Variants in NEDD9 observed in about 807,000 individuals in gnomAD.
NEDD9 encodes the protein neural precursor cell expressed, developmentally down-regulated 9, also known as enhancer of filamentation 1.
Under a neutral mutation model 76.6 loss-of-function variants are expected in NEDD9, and 26 were observed. That is an observed-to-expected ratio of 0.34 (90% CI 0.25 to 0.47). NEDD9 has a LOEUF of 0.47. Ranked by LOEUF, NEDD9 falls within the 20% of genes least tolerant of loss-of-function variation. The pLI, the probability that NEDD9 is intolerant of heterozygous loss-of-function variation, is 1.00. For missense variants in NEDD9, 937 were observed against 1,058.5 expected, an observed-to-expected ratio of 0.89 and a Z score of 1.59; for synonymous variants, 392 against 414.2, an observed-to-expected ratio of 0.95 and a Z score of 0.65.
At chr6:11,205,785 G>T (rs562184703) in intron 2 of NEDD9, among the ~76,000 whole-genome samples, 1 of 152,222 alleles carries the variant, frequency 6.6e-6, no homozygotes, top group South Asian at 2.1e-4. Flanking sequence ...GCACCACCAT[G>T]CCTGGCTAAT....
intron 1 of NEDD9, among the ~76,000 whole-genome samples, chr6:11,364,968 C>T (rs1215213411): frequency 2.0e-5 from 3 of 152,032 alleles, no homozygotes; most frequent in Admixed American, 6.6e-5. Flanking sequence ...ACCCTGGCAC[C>T]GGGGTAAGAG....
intron 1 of NEDD9, chr6:11,214,131 AT>A (rs1186790241): frequency 4.0e-6 from 2 of 496,312 alleles, no homozygotes; most frequent in Non-Finnish European, 3.9e-6. Context: ...ATTTCTCAAT[AT>A]TGTTCTATAT....
chr6:11,185,177 C>G lies in NEDD9; in HGVS notation c.2490G>C (p.Glu830Asp). The G allele has an allele frequency of 6.2e-7, 1 of 1,611,390 alleles. No individual in the cohort carries two copies. Among genetic ancestry groups the G allele is most frequent in the East Asian group, 2.2e-5 (1 of 44,782 alleles). Residue 830 changes from glutamate (E) to aspartate (D), a missense_variant, in exon 7 of 7, where the codon GAG becomes GAC. Transcript: ENST00000379446. ...TTTTTTCTTCTCAGAACGTTGCCAT[C>G]TCCAGCAAAGAGCGCTTGAACAGCT... ...NAQLFKRSLL[E>D]MATF
In NEDD9 at chr6:11,213,392, T is replaced by A. The variant is rs1561791061; in HGVS notation, c.348A>T (p.Gly116=). ...CGTGGCCAGTGGGGACTTGGTAAAT[T>A]CCCTGATTTTGGTAGGAAGGTGGCA... ...YQVPPSYQNQ[G]IYQVPTGHGT... Residue 116 remains glycine, a synonymous_variant, in exon 2 of 7, where the codon GGA becomes GGT. Coordinates refer to ENST00000379446, the MANE Select transcript of NEDD9 (RefSeq NM_006403.4). The surrounding 1 kb of genome is among the most constrained non-coding windows in gnomAD (Gnocchi z 5.4). The A allele has an allele frequency of 6.2e-7, 1 of 1,613,884 alleles. No homozygotes were observed. Among genetic ancestry groups the A allele is most frequent in the Admixed American group, 1.7e-5 (1 of 59,992 alleles).
chr6:11,377,612 T>C (rs1236124685), intron 1 of NEDD9, among the ~76,000 whole-genome samples: 1 of 152,236 alleles, frequency 6.6e-6, no homozygotes, highest in African/African-American at 2.4e-5. Context: ...GTAACTAACT[T>C]GTTTTGACTT....
intron 3 of NEDD9, among the ~76,000 whole-genome samples, chr6:11,297,136 T>G (rs1454257168): frequency 6.6e-6 from 1 of 151,894 alleles, no homozygotes; most frequent in African/African-American, 2.4e-5. Context: ...TGTTTTGTTT[T>G]TTTTTTTTTT....
intron 3 of NEDD9, chr6:11,249,175 C>G: frequency 2.2e-6 from 1 of 456,010 alleles, no homozygotes; most frequent in African/African-American, 2.0e-5. Context: ...GCAGATTGCC[C>G]TTCATAATGT....
intron 1 of NEDD9, among the ~76,000 whole-genome samples, chr6:11,347,848 C>A (rs1190329839): frequency 6.6e-6 from 1 of 152,184 alleles, no homozygotes; most frequent in Non-Finnish European, 1.5e-5. Context: ...ACTGAATGGG[C>A]AAAAGCTGGA....
rs115547120 is a variant in NEDD9, at chr6:11,231,069, C to A, written c.12+1435G>T. On this transcript the variant is annotated intron_variant, in intron 1 of 6. Transcript: ENST00000379446. ...GGAGGAGCAAAAAAGTCACTCCAGG[C>A]TGAGTAATATCTGGTCCTATCATTG... Among the ~76,000 whole-genome samples, 1,345 of 152,256 alleles carry A rather than the reference C, an allele frequency of 8.8e-3. 22 individuals carry two copies. The highest frequency in any genetic ancestry group is 0.031 in the African/African-American group (1,287 of 41,548).
At chr6:11,276,525 G>A (rs987036744) in intron 3 of NEDD9, among the ~76,000 whole-genome samples, 2 of 152,228 alleles carry the variant, frequency 1.3e-5, no homozygotes, top group African/African-American at 4.8e-5. Context: ...TTTGCAGGGA[G>A]TGGGTACACA....
intron 1 of NEDD9, among the ~76,000 whole-genome samples, chr6:11,351,759 G>T (rs1461527564): frequency 6.6e-6 from 1 of 152,150 alleles, no homozygotes; most frequent in African/African-American, 2.4e-5. Flanking sequence ...CTGTTTCTCT[G>T]GTTCTTCATT....
At chr6:11,354,554 C>T (rs1762531243) in intron 1 of NEDD9, among the ~76,000 whole-genome samples, 2 of 151,952 alleles carry the variant, frequency 1.3e-5, no homozygotes, top group South Asian at 2.1e-4. Context: ...TGCTGTTGCC[C>T]GTGCATCAGC....
chr6:11,292,733 A>G (rs1760804217), intron 3 of NEDD9, among the ~76,000 whole-genome samples: 1 of 152,210 alleles, frequency 6.6e-6, no homozygotes, highest in Non-Finnish European at 1.5e-5. Flanking sequence ...AATTTATGCA[A>G]TGGAGAGAGG....
intron 3 of NEDD9, among the ~76,000 whole-genome samples, chr6:11,285,033 C>G (rs1186111011): frequency 2.6e-5 from 4 of 152,002 alleles, no homozygotes; most frequent in African/African-American, 9.7e-5. Flanking sequence ...GGATTTGAAC[C>G]CAGGCAGTTT....
chr6:11,225,703 G>A (rs1054282891), intron 1 of NEDD9, among the ~76,000 whole-genome samples: 3 of 151,700 alleles, frequency 2.0e-5, no homozygotes, highest in Non-Finnish European at 2.9e-5. Context: ...GGGTTTCACC[G>A]TGTTAGCCAT....
chr6:11,193,223 G>A (rs1248885370), intron 3 of NEDD9, among the ~76,000 whole-genome samples: 1 of 150,846 alleles, frequency 6.6e-6, no homozygotes, highest in Non-Finnish European at 1.5e-5. Flanking sequence ...GGGCAGGAGA[G>A]TTGCTTGAGC....
chr6:11,232,216 C>A (rs772045660), intron 1 of NEDD9, among the ~76,000 whole-genome samples: 44 of 152,338 alleles, frequency 2.9e-4, no homozygotes, highest in Middle Eastern at 3.4e-3. Flanking sequence ...CCTCTGATCT[C>A]CAGTGGCTGC....
intron 1 of NEDD9, among the ~76,000 whole-genome samples, chr6:11,361,691 A>C (rs1373216306): frequency 6.6e-6 from 1 of 152,194 alleles, no homozygotes; most frequent in Non-Finnish European, 1.5e-5. Flanking sequence ...GGAAATGCTT[A>C]TAGCTGATGA....
chr6:11,276,959 A>G (rs1027927420), intron 3 of NEDD9, among the ~76,000 whole-genome samples: 4 of 152,308 alleles, frequency 2.6e-5, no homozygotes, highest in Admixed American at 2.6e-4. Context: ...ACAAACAAAC[A>G]AACAAACAAA....
Sources: gnomAD v4.1 joint callset for allele counts (sites outside exome capture counted in the v4.1 genomes callset) on GRCh38, gnomAD v4.1.1 for gene constraint, Gnocchi (gnomAD v3.1) non-coding constraint, MANE v1.5 for transcripts, NCBI Gene and HGNC (gene_info 2026-07-23, HGNC 2026-07-21) for gene names.